CADM2: variants seen among roughly 807,000 people sequenced by gnomAD.
CADM2 encodes immunoglobulin superfamily member 4D.
In CADM2, 12 loss-of-function variants were observed where a neutral mutation model predicts 49.8. The observed-to-expected ratio is 0.24, with a 90% CI of 0.15 to 0.39. The LOEUF (loss-of-function observed/expected upper bound fraction) is 0.39, where lower values mean the gene tolerates loss of function less well. Among genes scored for constraint, CADM2 ranks in the 10% least tolerant of loss-of-function variants. The probability of loss-of-function intolerance (pLI) is 1.00; values close to 1 mark genes in which losing one functional copy is unlikely to be tolerated. For synonymous variants in CADM2, 214 were observed against 175.4 expected (o/e 1.22, Z -1.74); for missense variants, 378 against 492.3 (o/e 0.77, Z 2.20).
In CADM2 at chr3:85,223,473, A is replaced by G. The variant is rs184631358; in HGVS notation, c.61+263805A>G. ...TAACTAACCTGTGTTTGCCTAAATA[A>G]CAGATAAAGACTCTGTACACAAAAA... On this transcript the variant is annotated intron_variant, in intron 1 of 9. Transcript: ENST00000383699. Among the ~76,000 whole-genome samples the G allele has an allele frequency of 1.7e-3, 260 of 152,330 alleles. 1 individual carries two copies. The highest frequency in any genetic ancestry group is 6.0e-3 in the African/African-American group (250 of 41,572).
intron 1 of CADM2, among the ~76,000 whole-genome samples, chr3:85,206,716 T>G (rs2052513550): frequency 6.6e-6 from 1 of 151,976 alleles, no homozygotes; most frequent in Admixed American, 6.5e-5. Context: ...TTTTTCTGTT[T>G]TAAGTTTTCA....
At chr3:85,751,508 C>T (rs1467214362) in intron 2 of CADM2, among the ~76,000 whole-genome samples, 1 of 152,084 alleles carries the variant, frequency 6.6e-6, no homozygotes, top group Non-Finnish European at 1.5e-5. Flanking sequence ...TCAGAATTCT[C>T]ATATACATCT....
At chr3:85,700,400 G>A (rs1234081746) in intron 1 of CADM2, among the ~76,000 whole-genome samples, 2 of 151,942 alleles carry the variant, frequency 1.3e-5, no homozygotes, top group African/African-American at 4.8e-5. Flanking sequence ...CGGGTTGATG[G>A]GTGCAGCAAA....
At chr3:85,377,659 G>C (rs1454110090) in intron 1 of CADM2, among the ~76,000 whole-genome samples, 1 of 151,994 alleles carries the variant, frequency 6.6e-6, no homozygotes, top group East Asian at 1.9e-4. Context: ...TTGCATTAGG[G>C]TGTGACCTTT....
intron 1 of CADM2, among the ~76,000 whole-genome samples, chr3:85,719,161 A>G (rs1224135172): frequency 1.3e-5 from 2 of 152,132 alleles, no homozygotes; most frequent in Non-Finnish European, 2.9e-5. Context: ...AGCATTTCAT[A>G]GCCAAAATTA....
Position 85,575,320 on chromosome 3 carries a change from G to C in CADM2, c.62-151202G>C, listed in dbSNP as rs145025118. 8.7e-3 allele frequency among the ~76,000 whole-genome samples: 1,322 copies of C among 152,304 alleles called. 14 individuals carry two copies. Among genetic ancestry groups the C allele is most frequent in the Non-Finnish European group, 0.012 (816 of 68,030 alleles). On this transcript the variant is annotated intron_variant, in intron 1 of 9. Transcript: ENST00000383699. The stretch of plus-strand genomic sequence containing the variant: ...TAATCCCAGCACTTTGGTAGGCCAA[G>C]GTGGGTGGATCACAAGGTCAGGAGA...
At chr3:85,164,841 G>A (rs777467676) in intron 1 of CADM2, among the ~76,000 whole-genome samples, 3 of 151,778 alleles carry the variant, frequency 2.0e-5, no homozygotes, top group East Asian at 1.9e-4. Context: ...AATTAAAATC[G>A]TGCTTTCAAG....
At chr3:85,188,543 A>G (rs921831865) in intron 1 of CADM2, among the ~76,000 whole-genome samples, 1 of 152,136 alleles carries the variant, frequency 6.6e-6, no homozygotes, top group African/African-American at 2.4e-5. Context: ...GCATGATTCA[A>G]CATTTCATAT....
rs535466744 is a variant in CADM2 at position 85,799,547 on chromosome 3, G to A, written c.89-2500G>A. On this transcript the variant is annotated intron_variant, in intron 2 of 9. Transcript: ENST00000383699. The stretch of plus-strand genomic sequence containing the variant: ...AGATAATCATGTGGTTTTTGTCATT[G>A]GTTCTGTTTATGTGATGGATTACAT... 3.8e-3 allele frequency among the ~76,000 whole-genome samples: 575 copies of A among 152,248 alleles called. 8 individuals are homozygous for A. The highest frequency in any genetic ancestry group is 0.013 in the African/African-American group (540 of 41,554).
At chr3:85,838,194 T>A (rs180749421) in intron 3 of CADM2, among the ~76,000 whole-genome samples, 35 of 151,988 alleles carry the variant, frequency 2.3e-4, no homozygotes, top group African/African-American at 8.4e-4. Context: ...TCACTTGCAA[T>A]CTATGTGAAT....
intron 1 of CADM2, among the ~76,000 whole-genome samples, chr3:84,961,484 T>G (rs1009648807): frequency 1.2e-4 from 18 of 152,156 alleles, no homozygotes; most frequent in Non-Finnish European, 2.1e-4. Context: ...TTTCTCACCT[T>G]TCACACCCCC....
At position 85,881,092 on chromosome 3, in the gene CADM2, C is replaced by T. The variant is rs931105737; in HGVS notation, c.239-2199C>T. Among the ~76,000 whole-genome samples, 9 of 151,900 alleles carry T rather than the reference C, an allele frequency of 5.9e-5. 1 individual carries two copies. Among genetic ancestry groups the T allele is most frequent in the Admixed American group, 4.6e-4 (7 of 15,242 alleles). On this transcript the variant is annotated intron_variant, in intron 3 of 9. Transcript: ENST00000383699. The stretch of plus-strand genomic sequence containing the variant: ...TTCTTTGCTATCTTTTCTTTTTATC[C>T]TTCTGTTTTCTCTCAGCTATTCAGA...
intron 1 of CADM2, among the ~76,000 whole-genome samples, chr3:85,638,083 A>T (rs1489464519): frequency 6.6e-6 from 1 of 152,208 alleles, no homozygotes; most frequent in Non-Finnish European, 1.5e-5. Context: ...ACACATCAGC[A>T]TAGTTCAGTA....
intron 1 of CADM2, among the ~76,000 whole-genome samples, chr3:85,529,292 A>G (rs1028283334): frequency 6.6e-6 from 1 of 152,178 alleles, no homozygotes; most frequent in South Asian, 2.1e-4. Context: ...ACCTGCAGTT[A>G]TCCCTTAAAG....
intron 1 of CADM2, among the ~76,000 whole-genome samples, chr3:85,593,959 A>G (rs950684536): frequency 5.3e-5 from 8 of 151,946 alleles, no homozygotes; most frequent in African/African-American, 1.9e-4. Flanking sequence ...GAAGATTAAC[A>G]TTGGAGTTTT....
chr3:85,337,104 T>C (rs984360540), intron 1 of CADM2, among the ~76,000 whole-genome samples: 4 of 147,134 alleles, frequency 2.7e-5, no homozygotes, highest in South Asian at 2.1e-4. Flanking sequence ...TATTTTGGCC[T>C]TCCATCTGCC....
At chr3:85,604,778 A>G (rs887636647) in intron 1 of CADM2, among the ~76,000 whole-genome samples, 1 of 152,034 alleles carries the variant, frequency 6.6e-6, no homozygotes, top group Admixed American at 6.6e-5. Context: ...AAAGGAATTC[A>G]ATCCATCACT....
At chr3:85,521,700 C>T (rs771816018) in intron 1 of CADM2, among the ~76,000 whole-genome samples, 2 of 152,090 alleles carry the variant, frequency 1.3e-5, no homozygotes, top group African/African-American at 4.8e-5. Context: ...AACCCTGTAG[C>T]TAATTTACAT....
intron 1 of CADM2, among the ~76,000 whole-genome samples, chr3:85,004,807 T>G (rs936754689): frequency 6.6e-6 from 1 of 152,154 alleles, no homozygotes; most frequent in African/African-American, 2.4e-5. Context: ...TATGGGATAG[T>G]GTTCATGGAT....
Sources: gnomAD v4.1 joint callset for allele counts (sites outside exome capture counted in the v4.1 genomes callset) on GRCh38, gnomAD v4.1.1 for gene constraint, MANE v1.5 for transcripts, NCBI Gene and HGNC (gene_info 2026-07-23, HGNC 2026-07-21) for gene names.